The following HIVEP1 variants were observed in gnomAD, a reference collection of about 807,000 sequenced individuals.
The protein encoded by HIVEP1 is HIVEP zinc finger 1, also known as zinc finger protein 40.
HIVEP1 carries 36 observed loss-of-function variants against 180.0 expected under a neutral mutation model. That is an observed-to-expected ratio of 0.20 (90% CI 0.15 to 0.26). HIVEP1 has a LOEUF of 0.26. Ranked by LOEUF, HIVEP1 falls within the 10% of genes least tolerant of loss-of-function variation. The pLI is 1.00. For missense variants in HIVEP1, 3,143 were observed against 3,268.7 expected, an observed-to-expected ratio of 0.96 and a Z score of 0.94; for synonymous variants, 1,239 against 1,239.0, an observed-to-expected ratio of 1.00 and a Z score of 0.00.
chr6:12,104,396 T>TTCTC (rs70981664), intron 3 of HIVEP1, among the ~76,000 whole-genome samples: 9,824 of 126,462 alleles, frequency 0.078, 493 homozygotes, highest in Admixed American at 0.13. Context: ...CTCTCTTCGT[T>TTCTC]TCTCTCTCTC....
At chr6:12,198,734 G>A in the HIVEP1 span, among the ~76,000 whole-genome samples, 1 of 152,268 alleles carries the variant, frequency 6.6e-6, no homozygotes, top group South Asian at 2.1e-4. Flanking sequence ...ACAGTTCAAA[G>A]GCAATGAAAG....
chr6:12,111,038 G>C (rs1354032513), intron 3 of HIVEP1, among the ~76,000 whole-genome samples: 1 of 152,208 alleles, frequency 6.6e-6, no homozygotes, highest in African/African-American at 2.4e-5. Context: ...TGATGGAGCA[G>C]TGAGAACACA....
intron 7 of HIVEP1, among the ~76,000 whole-genome samples, chr6:12,144,662 C>A (rs1223323921): frequency 6.6e-6 from 1 of 152,016 alleles, no homozygotes; most frequent in Non-Finnish European, 1.5e-5. Flanking sequence ...ACAAATAACT[C>A]AAACAAGTTT....
intron 2 of HIVEP1, among the ~76,000 whole-genome samples, chr6:12,069,351 G>A (rs1202091650): frequency 6.6e-6 from 1 of 152,100 alleles, no homozygotes; most frequent in Non-Finnish European, 1.5e-5. Context: ...TTGAAGGACT[G>A]GAAGTTTCTC....
In HIVEP1 at chr6:12,125,668, A is replaced by G. The variant is rs758763401; in HGVS notation, c.5873A>G (p.Lys1958Arg). 27 of 1,614,100 alleles carry G rather than the reference A, an allele frequency of 1.7e-5. No individual in the cohort carries two copies. The highest frequency in any genetic ancestry group is 4.0e-5 in the African/African-American group (3 of 74,948). Residue 1958 changes from lysine (K) to arginine (R), a missense_variant, in exon 4 of 9, where the codon AAG (lysine) becomes AGG (arginine). Physicochemically the swap from Lys to Arg is conservative, Grantham distance 26 (BLOSUM62 2). Transcript: ENST00000379388. ...LRQKSLHLPQKDQKTSAYTDW... is the reference protein window; with the variant it reads ...LRQKSLHLPQRDQKTSAYTDW... ...CAGAAGTCGTTGCATTTGCCTCAGA[A>G]GGACCAGAAAACTTCAGCCTATACT...
chr6:12,106,161 T>C (rs915120225), intron 3 of HIVEP1, among the ~76,000 whole-genome samples: 1 of 151,990 alleles, frequency 6.6e-6, no homozygotes, highest in Non-Finnish European at 1.5e-5. Flanking sequence ...AAATATTGTC[T>C]TAACCATTTA....
chr6:12,168,980 C>G (rs1760830529), downstream of HIVEP1, among the ~76,000 whole-genome samples: 1 of 151,702 alleles, frequency 6.6e-6, no homozygotes, highest in South Asian at 2.1e-4. Context: ...CTCTGCCTCC[C>G]AGGTTCAAGT....
the HIVEP1 span, among the ~76,000 whole-genome samples, chr6:12,184,906 A>C: frequency 2.6e-5 from 4 of 152,224 alleles, no homozygotes. Flanking sequence ...AAGTCTCTAA[A>C]ATATTTTTTA....
chr6:12,048,470 G>A (rs1037570917), intron 2 of HIVEP1, among the ~76,000 whole-genome samples: 1 of 152,042 alleles, frequency 6.6e-6, no homozygotes, highest in Non-Finnish European at 1.5e-5. Context: ...CAACCAATAT[G>A]CCCATCATCC....
At chr6:12,105,103 C>T (rs1013492333) in intron 3 of HIVEP1, among the ~76,000 whole-genome samples, 3 of 152,192 alleles carry the variant, frequency 2.0e-5, no homozygotes, top group East Asian at 1.9e-4. Context: ...CAGTTTTCTT[C>T]GCCAGGCTTC....
chr6:12,011,274 C>CCCCA (rs1767272272), upstream of HIVEP1, among the ~76,000 whole-genome samples: 1 of 111,348 alleles, frequency 9.0e-6, no homozygotes. Flanking sequence ...TTGGGGTCCC[C>CCCCA]CCCCCCCCCC....
At chr6:12,163,186 T>A in intron 8 of HIVEP1, 97 bp from the exon 9 acceptor site, 1 of 919,790 alleles carries the variant, frequency 1.1e-6, no homozygotes, top group South Asian at 1.6e-5. Context: ...TATACTTACT[T>A]TTATCTCATT....
intron 2 of HIVEP1, among the ~76,000 whole-genome samples, chr6:12,024,141 C>A (rs757811504): frequency 1.3e-5 from 2 of 152,068 alleles, no homozygotes; most frequent in African/African-American, 2.4e-5. Flanking sequence ...AAACTTATAA[C>A]CAAAGAGAGA....
Position 12,122,785 on chromosome 6 carries a change from C to T in HIVEP1, c.2990C>T (p.Pro997Leu), listed in dbSNP as rs746771188. 6.2e-7 allele frequency: 1 copy of T among 1,612,776 alleles called. No homozygotes were observed. Among genetic ancestry groups the T allele is most frequent in the East Asian group, 2.2e-5 (1 of 44,880 alleles). Residue 997 changes from proline (P) to leucine (L), a missense_variant, in exon 4 of 9, where the codon CCT becomes CTT. Transcript: ENST00000379388. ...AAAACAAAGGTAGCCATGAGAGAAC[C>T]TGAGCACAGCCCTGTGCCCGGCGGT... ...GPKTKVAMRE[P>L]EHSPVPGGLQ...
At chr6:12,092,584 T>G (rs1773544564) in intron 3 of HIVEP1, among the ~76,000 whole-genome samples, 1 of 152,196 alleles carries the variant, frequency 6.6e-6, no homozygotes. Flanking sequence ...TACAAAATGA[T>G]GCTATATTGT....
intron 2 of HIVEP1, chr6:12,037,781 AC>A: frequency 4.4e-6 from 2 of 455,468 alleles, no homozygotes; most frequent in Non-Finnish European, 7.9e-6. Context: ...GCTCACTGCA[AC>A]CCCAAACTTC....
chr6:12,204,929 G>A, the HIVEP1 span, among the ~76,000 whole-genome samples: 1 of 152,326 alleles, frequency 6.6e-6, no homozygotes, highest in Non-Finnish European at 1.5e-5. Flanking sequence ...GCACTGGAGA[G>A]AACTACAGCA....
upstream of HIVEP1, among the ~76,000 whole-genome samples, chr6:12,011,270 T>TG (rs1767268015): frequency 2.8e-5 from 2 of 71,626 alleles, no homozygotes; most frequent in East Asian, 3.8e-4. Context: ...CCCCTTGGGG[T>TG]CCCCCCCCCC....
chr6:12,091,321 C>A (rs1256535561), intron 3 of HIVEP1, among the ~76,000 whole-genome samples: 2 of 151,906 alleles, frequency 1.3e-5, no homozygotes, highest in Admixed American at 6.6e-5. Flanking sequence ...GTTTTTTCAC[C>A]CTGTAAGTTT....
Sources: allele counts gnomAD v4.1 joint callset (sites outside exome capture counted in the v4.1 genomes callset), GRCh38; gene constraint gnomAD v4.1.1; transcripts MANE v1.5; gene names NCBI Gene and HGNC (gene_info 2026-07-23, HGNC 2026-07-21).